ERFL: variants seen among roughly 807,000 people sequenced by gnomAD.
The protein encoded by ERFL is ETS repressor factor like.
In ERFL, 8 loss-of-function variants were observed where a neutral mutation model predicts 27.9. That is an observed-to-expected ratio of 0.29 (90% confidence interval 0.17 to 0.52). ERFL has a LOEUF of 0.52. Among genes scored for constraint, ERFL ranks in the 20% least tolerant of loss-of-function variants. The probability of loss-of-function intolerance (pLI) is 0.97; values close to 1 mark genes in which losing one functional copy is unlikely to be tolerated. For synonymous variants in ERFL, 174 were observed against 202.8 expected (o/e 0.86, Z 1.21); for missense variants, 294 against 444.4 (o/e 0.66, Z 3.04).
intron 1 of ERFL, among the ~76,000 whole-genome samples, chr19:41,922,127 A>C (rs781855680): frequency 6.6e-6 from 1 of 151,994 alleles, no homozygotes; most frequent in Admixed American, 6.5e-5. Flanking sequence ...TGTGGTGTAC[A>C]CCAGAACCAG....
chr19:41,914,625 CTCTG>C (rs2074779647), intron 1 of ERFL, among the ~76,000 whole-genome samples: 1 of 30,146 alleles, frequency 3.3e-5, no homozygotes, highest in Non-Finnish European at 5.7e-5. Flanking sequence ...CTTCCACCAT[CTCTG>C]TCTCTGTCTC....
chr19:41,908,748 T>C lies in ERFL; in HGVS notation c.617-72A>G, dbSNP rs2145879345. 1.3e-6 allele frequency: 1 copy of C among 776,066 alleles called. No individual in the cohort carries two copies. The highest frequency in any genetic ancestry group is 3.4e-5 in the East Asian group (1 of 29,732). 48.1% of individuals were successfully genotyped at this position (776,066 alleles called of 1,614,324 possible). On this transcript the variant is annotated intron_variant, in intron 5 of 5. Transcript: ENST00000597630. This position sits in a 1 kb window ranked among gnomAD's most constrained non-coding sequence, Gnocchi z 6.7. ...GGACCAGTAAAGGGGGCTGCCTCCCTGCCATATCCCACCCCATCTCCCCGC... is the reference window on the plus strand; with the variant it reads ...GGACCAGTAAAGGGGGCTGCCTCCCCGCCATATCCCACCCCATCTCCCCGC...
rs766776401 is a variant in ERFL, at chr19:41,916,132, C to T, written c.-13-3200G>A. Among the ~76,000 whole-genome samples, 2 of 152,014 alleles carry T rather than the reference C, an allele frequency of 1.3e-5. No homozygotes were observed. Among genetic ancestry groups the T allele is most frequent in the Non-Finnish European group, 2.9e-5 (2 of 67,974 alleles). ...AGGCGAGGGCCCTCCTCCCTTCTCT[C>T]CCTGCCAAGCACAACCACACAGACC... On this transcript the variant is annotated intron_variant, in intron 1 of 5. Transcript: ENST00000597630. The surrounding 1 kb of genome is among the most constrained non-coding windows in gnomAD (Gnocchi z 5.4).
At chr19:41,918,757 A>G (rs1555852158) in intron 1 of ERFL, among the ~76,000 whole-genome samples, 1 of 148,160 alleles carries the variant, frequency 6.7e-6, no homozygotes, top group African/African-American at 2.5e-5. Flanking sequence ...CACACACCAC[A>G]TATACATCTA....
intron 1 of ERFL, among the ~76,000 whole-genome samples, chr19:41,922,705 A>G (rs1390781137): frequency 6.6e-6 from 1 of 151,914 alleles, no homozygotes; most frequent in Non-Finnish European, 1.5e-5. Context: ...GCCACCAGGG[A>G]TCCCACAAGG....
chr19:41,925,031 GGA>G (rs1162993113), intron 1 of ERFL, among the ~76,000 whole-genome samples: 2 of 152,280 alleles, frequency 1.3e-5, no homozygotes, highest in Admixed American at 6.5e-5. Context: ...GGGAGGAAAA[GGA>G]GAGAGGTGGC....
At chr19:41,926,196 A>C (rs895974146) in intron 1 of ERFL, among the ~76,000 whole-genome samples, 1 of 151,842 alleles carries the variant, frequency 6.6e-6, no homozygotes, top group Non-Finnish European at 1.5e-5. Context: ...TATTACCTGG[A>C]GGGGCAGGTA....
In ERFL at chr19:41,928,164, GC is replaced by G. The variant is rs1555853482; in HGVS notation, c.-139del. 1 of 151,884 alleles carries G rather than the reference GC, an allele frequency of 6.6e-6. No homozygotes were observed. The highest frequency in any genetic ancestry group is 1.5e-5 in the Non-Finnish European group (1 of 68,032). 9.4% of individuals were successfully genotyped at this position (151,884 alleles called of 1,614,324 possible). On this transcript the variant is annotated 5_prime_UTR_variant, in exon 1 of 6. Transcript: ENST00000597630. ...GGCGAGGGGCGGGGTGGGGGGAGAT[GC>G]CCGGAGCCCCGGGGAGGCAGAGACC...
At chr19:41,914,906 C>A (rs868994143) in intron 1 of ERFL, among the ~76,000 whole-genome samples, 11 of 105,412 alleles carry the variant, frequency 1.0e-4, no homozygotes, top group South Asian at 3.5e-4. Context: ...GTCTCTGTCT[C>A]TCCCTCCCCC....
intron 2 of ERFL, among the ~76,000 whole-genome samples, chr19:41,911,466 T>G (rs1555851241): frequency 6.6e-6 from 1 of 152,174 alleles, no homozygotes. Flanking sequence ...TACGGGCAGG[T>G]CCTTACCCTC....
At chr19:41,913,858 C>T (rs1555851507) in intron 1 of ERFL, among the ~76,000 whole-genome samples, 1 of 151,044 alleles carries the variant, frequency 6.6e-6, no homozygotes. Context: ...ACACACGCTG[C>T]CCTCGCGCTC....
intron 1 of ERFL, among the ~76,000 whole-genome samples, 164 bp from the exon 2 acceptor site, chr19:41,913,096 G>C (rs1201157835): frequency 6.6e-6 from 1 of 150,588 alleles, no homozygotes; most frequent in Non-Finnish European, 1.5e-5. Context: ...CGCAGGCACC[G>C]CTCTGTCCCC....
At chr19:41,915,217 G>C (rs922682856) in intron 1 of ERFL, among the ~76,000 whole-genome samples, 1 of 120,022 alleles carries the variant, frequency 8.3e-6, no homozygotes, top group East Asian at 2.8e-4. Context: ...CGCCTCCTCC[G>C]GACACGTTAT....
chr19:41,919,454 A>G (rs2074824459), intron 1 of ERFL, among the ~76,000 whole-genome samples: 1 of 151,710 alleles, frequency 6.6e-6, no homozygotes, highest in Non-Finnish European at 1.5e-5. Context: ...ATGAACCAAC[A>G]CTCAAGCTGG....
rs530626333 is a variant in ERFL, at chr19:41,916,306, CACACA to C, written c.-13-3379_-13-3375del. Among the ~76,000 whole-genome samples, 21 of 151,964 alleles carry C rather than the reference CACACA, an allele frequency of 1.4e-4. No individual in the cohort carries two copies. The highest frequency in any genetic ancestry group is 2.5e-4 in the Non-Finnish European group (17 of 67,990). Reference sequence around the variant, plus strand: ...CAAAGTCACACACAGCACCACGTCCCACACAACACATCACACACACCAACAAAGCA... The same window carrying C: ...CAAAGTCACACACAGCACCACGTCCCACACATCACACACACCAACAAAGCA... On this transcript the variant is annotated intron_variant, in intron 1 of 5. Coordinates refer to ENST00000597630, the MANE Select transcript of ERFL (RefSeq NM_001365103.2). This position sits in a 1 kb window ranked among gnomAD's most constrained non-coding sequence, Gnocchi z 5.4.
At chr19:41,926,222 T>C (rs1555853250) in intron 1 of ERFL, among the ~76,000 whole-genome samples, 2 of 151,588 alleles carry the variant, frequency 1.3e-5, no homozygotes, top group Non-Finnish European at 2.9e-5. Flanking sequence ...GGACGTATGC[T>C]CCCCGAGAGA....
chr19:41,925,796 G>A (rs782622807), intron 1 of ERFL, among the ~76,000 whole-genome samples: 1 of 152,134 alleles, frequency 6.6e-6, no homozygotes, highest in Non-Finnish European at 1.5e-5. Context: ...GTGCTCTTAG[G>A]TGACCTGTGT....
chr19:41,921,713 G>A lies in ERFL; in HGVS notation c.-14+6327C>T, dbSNP rs908586502. Among the ~76,000 whole-genome samples, 7 of 152,062 alleles carry A rather than the reference G, an allele frequency of 4.6e-5. No individual in the cohort carries two copies. The highest frequency in any genetic ancestry group is 1.0e-4 in the Non-Finnish European group (7 of 67,988). The stretch of plus-strand genomic sequence containing the variant: ...GCAGAGGCAGGAGAGGGATGCAGGC[G>A]AGCCCGGCCCTGGAGGTGGAGTGGA... On this transcript the variant is annotated intron_variant, in intron 1 of 5. Transcript: ENST00000597630. This position sits in a 1 kb window ranked among gnomAD's most constrained non-coding sequence, Gnocchi z 4.4.
intron 1 of ERFL, among the ~76,000 whole-genome samples, chr19:41,913,513 A>T (rs2074767123): frequency 6.7e-6 from 1 of 149,536 alleles, no homozygotes; most frequent in South Asian, 2.1e-4. Context: ...GACGGGCTGC[A>T]GGGGGGCAGG....
Sources: gnomAD v4.1 joint callset for allele counts (sites outside exome capture counted in the v4.1 genomes callset) on GRCh38, gnomAD v4.1.1 for gene constraint, Gnocchi (gnomAD v3.1) non-coding constraint, MANE v1.5 for transcripts, NCBI Gene and HGNC (gene_info 2026-07-23, HGNC 2026-07-21) for gene names.